Variants in MRPL19 observed in about 807,000 individuals in gnomAD.
The protein encoded by MRPL19 is large ribosomal subunit protein bL19m.
Under a neutral mutation model 34.0 loss-of-function variants are expected in MRPL19, and 31 were observed. The ratio of observed to expected loss-of-function variants is 0.91; its 90% confidence interval spans 0.68 to 1.23. MRPL19 has a LOEUF of 1.23. Ranked by LOEUF, MRPL19 falls within the 50% of genes most tolerant of loss-of-function variation. MRPL19 has a pLI of 0.00. For synonymous variants in MRPL19, 152 were observed against 127.7 expected (o/e 1.19, Z -1.28); for missense variants, 384 against 367.6 (o/e 1.04, Z -0.37).
intron 2 of MRPL19, 26 bp downstream of exon 2, chr2:75,647,245 C>G (rs1054707255): frequency 2.6e-6 from 4 of 1,556,918 alleles, no homozygotes; most frequent in East Asian, 2.4e-5. Context: ...GGCGCTAGGC[C>G]GGCAACTGGG....
intron 2 of MRPL19, among the ~76,000 whole-genome samples, chr2:75,647,967 C>A (rs1362272264): frequency 6.6e-6 from 1 of 151,856 alleles, no homozygotes; most frequent in Non-Finnish European, 1.5e-5. Context: ...CTCACTGCAG[C>A]CTCAAATTTC....
In MRPL19 at chr2:75,646,796, G is replaced by A. The variant is rs1227141068; in HGVS notation, c.-12G>A. The A allele has an allele frequency of 2.0e-6, 3 of 1,499,564 alleles. No individual in the cohort carries two copies. The highest frequency in any genetic ancestry group is 2.8e-5 in the African/African-American group (2 of 71,566). The allele number at this position is 1,499,564 out of a possible 1,614,324, so 92.9% of individuals were successfully genotyped here. A position where few individuals can be genotyped will look rare whatever the true frequency, so the allele number is the denominator to read the frequency against. ...TTACTGGGAGCTGTAGTCTTGACGT[G>A]AGCTAGCTGGCATGGCGGCCTGCAT... On this transcript the variant is annotated 5_prime_UTR_variant, in exon 1 of 6. Transcript: ENST00000393909.
At position 75,647,116 on chromosome 2, in the gene MRPL19, C is replaced by A. The variant is rs758688463; in HGVS notation, c.118C>A (p.Pro40Thr). The change falls in exon 2 of 6, where the codon CCT becomes ACT. Residue 40 changes from proline (P) to threonine (T), a missense_variant. Coordinates refer to ENST00000393909, the MANE Select transcript of MRPL19 (RefSeq NM_014763.4). Reference protein sequence around the residue: ...ASIACRVHAGPVRQQSTGPSE... With the variant: ...ASIACRVHAGTVRQQSTGPSE... ...CGCTCCCGCAGGGGTCCACGCGGGG[C>A]CTGTCCGGCAGCAGAGCACTGGGCC... The A allele has an allele frequency of 1.9e-6, 3 of 1,586,692 alleles. No homozygotes were observed. In the East Asian group the frequency reaches 6.9e-5, roughly 36 times the overall value.
Position 75,658,080 on chromosome 2 carries a change from T to C in MRPL19, c.*2795T>C, listed in dbSNP as rs954933907. 7.2e-5 allele frequency among the ~76,000 whole-genome samples: 11 copies of C among 152,190 alleles called. No homozygotes were observed. The highest frequency in any genetic ancestry group is 3.4e-3 in the Middle Eastern group (1 of 294). ...CCAACCCCAGGTAACCTCAAATCTT[T>C]CTTTTTATCTTTGAGACAAGGTCTC... On this transcript the variant is annotated 3_prime_UTR_variant, in exon 6 of 6. Coordinates refer to ENST00000393909, the MANE Select transcript of MRPL19 (RefSeq NM_014763.4).
Position 75,652,621 on chromosome 2 carries a change from G to A in MRPL19, c.439G>A (p.Ala147Thr), listed in dbSNP as rs1188025820. The A allele has an allele frequency of 1.2e-6, 2 of 1,613,528 alleles. No individual in the cohort carries two copies. Among genetic ancestry groups the A allele is most frequent in the Non-Finnish European group, 1.7e-6 (2 of 1,179,718 alleles). ...CIQRSGRGLG[A>T]TFILRNVIEG... ...TCAGAGATCAGGAAGAGGACTTGGA[G>A]CTACTTTCATCCTTAGGAATGTTAT... The change falls in exon 4 of 6, where the codon GCT becomes ACT. Residue 147 changes from alanine to threonine, a missense_variant. Ala to Thr is a moderately conservative substitution (Grantham distance 58). Transcript: ENST00000393909.
chr2:75,655,945 G>T lies in MRPL19; in HGVS notation c.*660G>T. ...TACTATTATTGCATGAAGGCTTCAAGGGAAACGTTACAGTCTTTGGGTCAT... is the reference window on the plus strand; with the variant it reads ...TACTATTATTGCATGAAGGCTTCAATGGAAACGTTACAGTCTTTGGGTCAT... On this transcript the variant is annotated 3_prime_UTR_variant, in exon 6 of 6. Coordinates refer to ENST00000393909, the MANE Select transcript of MRPL19 (RefSeq NM_014763.4). 6.6e-6 allele frequency: 1 copy of T among 152,126 alleles called. No homozygotes were observed. The highest frequency in any genetic ancestry group is 1.5e-5 in the Non-Finnish European group (1 of 68,002). 9.4% of individuals were successfully genotyped at this position (152,126 alleles called of 1,614,324 possible).
At chr2:75,648,677 G>A (rs865992181) in intron 2 of MRPL19, among the ~76,000 whole-genome samples, 1 of 151,340 alleles carries the variant, frequency 6.6e-6, no homozygotes. Context: ...GGCCAACATG[G>A]CGAAACCCCC....
rs796819883 is a variant in MRPL19 at position 75,656,658 on chromosome 2, CT to C, written c.*1374del. 1.1e-4 allele frequency: 16 copies of C among 152,026 alleles called. No homozygotes were observed. The highest frequency in any genetic ancestry group is 3.4e-4 in the African/African-American group (14 of 41,490). 9.4% of individuals were successfully genotyped at this position (152,026 alleles called of 1,614,324 possible). On this transcript the variant is annotated 3_prime_UTR_variant, in exon 6 of 6. Transcript: ENST00000393909. ...TATTGTTGCTCCATTTTCTTTGTTT[CT>C]ATTGTTGTATTGAGAAATCCAATGC...
At chr2:75,652,891 A>G (rs1038204544) in intron 4 of MRPL19, among the ~76,000 whole-genome samples, 1 of 152,234 alleles carries the variant, frequency 6.6e-6, no homozygotes, top group Non-Finnish European at 1.5e-5. Context: ...AGTCATTAGA[A>G]GTAGACTTTG....
In MRPL19 at chr2:75,659,628, A is replaced by G. The variant is rs1183456115; in HGVS notation, c.*4343A>G. Among the ~76,000 whole-genome samples the G allele has an allele frequency of 6.6e-6, 1 of 152,034 alleles. No homozygotes were observed. The highest frequency in any genetic ancestry group is 1.5e-5 in the Non-Finnish European group (1 of 67,976). ...TTGATTTCTCCCTTATTTTTGATGG[A>G]TAATTTTGCCAGATACATGAATTTT... is the stretch of plus-strand genomic sequence containing the variant. On this transcript the variant is annotated 3_prime_UTR_variant, in exon 6 of 6. Coordinates refer to ENST00000393909, the MANE Select transcript of MRPL19 (RefSeq NM_014763.4).
At chr2:75,651,947 A>G in intron 2 of MRPL19, 195 bp from the exon 3 acceptor site, 2 of 405,816 alleles carry the variant, frequency 4.9e-6, no homozygotes, top group East Asian at 4.4e-5. Flanking sequence ...GCTTTTAACA[A>G]AATACCAGGT....
intron 4 of MRPL19, among the ~76,000 whole-genome samples, chr2:75,653,095 A>G (rs1678366029): frequency 6.6e-6 from 1 of 152,222 alleles, no homozygotes; most frequent in South Asian, 2.1e-4. Context: ...ACTGTCTTAT[A>G]TGACTTGGGA....
chr2:75,647,062 T>A, intron 1 of MRPL19, 40 bp from the exon 2 acceptor site: 1 of 1,540,188 alleles, frequency 6.5e-7, no homozygotes. Context: ...GATCTCAGGG[T>A]TGGCACGAGA....
At position 75,659,831 on chromosome 2, in the gene MRPL19, A is replaced by G. The variant is rs908030765; in HGVS notation, c.*4546A>G. Among the ~76,000 whole-genome samples the G allele has an allele frequency of 5.7e-4, 87 of 152,144 alleles. 1 individual carries two copies. Among genetic ancestry groups the G allele is most frequent in the Non-Finnish European group, 1.6e-4 (11 of 68,016 alleles). On this transcript the variant is annotated 3_prime_UTR_variant, in exon 6 of 6. Coordinates refer to ENST00000393909, the MANE Select transcript of MRPL19 (RefSeq NM_014763.4). ...GCTTTTGTCTTTTGACAGTTTGATT[A>G]TAACGCGGCTCAGTGTGGGTCTCTG... is the stretch of plus-strand genomic sequence containing the variant.
rs559874279 is a variant in MRPL19, at chr2:75,660,272, G to A, written c.*4987G>A. On this transcript the variant is annotated 3_prime_UTR_variant, in exon 6 of 6. Coordinates refer to ENST00000393909, the MANE Select transcript of MRPL19 (RefSeq NM_014763.4). Reference sequence around the variant, plus strand: ...TGTCTCTTTCTTCCTTTAGTTCTTTGTCCATGTTTTCCTTTAGCTCTTTGG... The same window carrying A: ...TGTCTCTTTCTTCCTTTAGTTCTTTATCCATGTTTTCCTTTAGCTCTTTGG... 6.6e-6 allele frequency among the ~76,000 whole-genome samples: 1 copy of A among 151,824 alleles called. No individual in the cohort carries two copies. The highest frequency in any genetic ancestry group is 2.4e-5 in the African/African-American group (1 of 41,372).
intron 2 of MRPL19, among the ~76,000 whole-genome samples, chr2:75,647,983 T>G (rs13008967): frequency 0.17 from 26,094 of 152,036 alleles, 2,802 homozygotes; most frequent in East Asian, 0.36. Flanking sequence ...ATTTCTGGGC[T>G]CAAGTGATCC....
chr2:75,648,327 T>G (rs1001707268), intron 2 of MRPL19, among the ~76,000 whole-genome samples: 2 of 152,070 alleles, frequency 1.3e-5, no homozygotes, highest in Non-Finnish European at 2.9e-5. Context: ...CTAACGTGTA[T>G]GTACAAGGAG....
At position 75,659,845 on chromosome 2, in the gene MRPL19, T is replaced by C. The variant is rs905927124; in HGVS notation, c.*4560T>C. Among the ~76,000 whole-genome samples the C allele has an allele frequency of 1.3e-5, 2 of 152,188 alleles. No homozygotes were observed. The highest frequency in any genetic ancestry group is 4.8e-5 in the African/African-American group (2 of 41,464). On this transcript the variant is annotated 3_prime_UTR_variant, in exon 6 of 6. Transcript: ENST00000393909. The stretch of plus-strand genomic sequence containing the variant: ...ACAGTTTGATTATAACGCGGCTCAG[T>C]GTGGGTCTCTGAGTTTATCCCACTT...
At chr2:75,654,645 T>C in intron 4 of MRPL19, 91 bp from the exon 5 acceptor site, 1 of 1,219,286 alleles carries the variant, frequency 8.2e-7, no homozygotes, top group South Asian at 1.8e-5. Context: ...AACTTTGTGC[T>C]AATTCCTTTA....
Sources: allele counts gnomAD v4.1 joint callset (sites outside exome capture counted in the v4.1 genomes callset), GRCh38; gene constraint gnomAD v4.1.1; transcripts MANE v1.5; gene names NCBI Gene and HGNC (gene_info 2026-07-23, HGNC 2026-07-21).